The following PDE1A variants were observed in gnomAD, a reference collection of about 807,000 sequenced individuals.
The protein encoded by PDE1A is dual specificity calcium/calmodulin-dependent 3',5'-cyclic nucleotide phosphodiesterase 1A.
In PDE1A, 35 loss-of-function variants were observed where a neutral mutation model predicts 61.7. The observed-to-expected ratio is 0.57, with a 90% CI of 0.43 to 0.75. The LOEUF (loss-of-function observed/expected upper bound fraction) is 0.75, where lower values mean the gene tolerates loss of function less well. Ranked by LOEUF, PDE1A falls within the 30% of genes least tolerant of loss-of-function variation. The pLI, the probability that PDE1A is intolerant of heterozygous loss-of-function variation, is 0.00. For synonymous variants in PDE1A, 232 were observed against 213.2 expected, an observed-to-expected ratio of 1.09 and a Z score of -0.77; for missense variants, 597 against 630.6, an observed-to-expected ratio of 0.95 and a Z score of 0.57.
At chr2:182,222,596 T>TC (rs1424927709) in intron 7 of PDE1A, among the ~76,000 whole-genome samples, 1 of 151,976 alleles carries the variant, frequency 6.6e-6, no homozygotes, top group Non-Finnish European at 1.5e-5. Context: ...AACAAATATC[T>TC]CACACCAGTG....
chr2:182,253,281 T>C (rs1410706860), intron 2 of PDE1A, among the ~76,000 whole-genome samples: 1 of 152,196 alleles, frequency 6.6e-6, no homozygotes, highest in Non-Finnish European at 1.5e-5. Context: ...GTGGCTCAAA[T>C]AATGTAGAAA....
Position 182,160,518 on chromosome 2 carries a change from C to T in PDE1A, c.1517-13366G>A, listed in dbSNP as rs149284031. On this transcript the variant is annotated intron_variant, in intron 13 of 13. Coordinates refer to the PDE1A transcript ENST00000409365. The stretch of plus-strand genomic sequence containing the variant: ...TGAGTAGACACCTTTTTATCCTTTG[C>T]CCTTGGACACCAGACTCCAGGTTCT... Among the ~76,000 whole-genome samples the T allele has an allele frequency of 4.0e-4, 61 of 152,216 alleles. No homozygotes were observed. In the East Asian group the frequency reaches 6.2e-3, roughly 15 times the overall value.
intron 1 of PDE1A, among the ~76,000 whole-genome samples, chr2:182,416,564 G>A (rs906877342): frequency 6.6e-6 from 1 of 152,050 alleles, no homozygotes; most frequent in Non-Finnish European, 1.5e-5. Context: ...ACTTCTCTAA[G>A]AGGAGATGAA....
intron 12 of PDE1A, 80 bp from the exon 13 acceptor site, chr2:182,186,159 A>G: frequency 6.9e-7 from 1 of 1,457,580 alleles, no homozygotes; most frequent in Non-Finnish European, 9.3e-7. Flanking sequence ...ACTTTACAAA[A>G]CCGACTAGAA....
the PDE1A span, among the ~76,000 whole-genome samples, chr2:182,654,399 A>C: frequency 6.6e-6 from 1 of 152,268 alleles, no homozygotes; most frequent in Non-Finnish European, 1.5e-5. Flanking sequence ...CCCAGGTTGC[A>C]GTTTCACTTG....
At chr2:182,426,896 G>A in exon 1 of PDE1A, 1 of 1,250,042 alleles carries the variant, frequency 8.0e-7, no homozygotes, top group Non-Finnish European at 1.0e-6. Flanking sequence ...CGTTGATCCA[G>A]GCAAGAGAAG....
At chr2:182,590,967 C>T in the PDE1A span, among the ~76,000 whole-genome samples, 1 of 152,198 alleles carries the variant, frequency 6.6e-6, no homozygotes, top group Non-Finnish European at 1.5e-5. Flanking sequence ...ACCATTGTGT[C>T]CACAGGAACT....
At chr2:182,505,884 T>C (rs1050192858) in intron 2 of PDE1A, among the ~76,000 whole-genome samples, 1 of 152,058 alleles carries the variant, frequency 6.6e-6, no homozygotes, top group African/African-American at 2.4e-5. Context: ...TTCTGGAAAA[T>C]AAATAAATAA....
the PDE1A span, among the ~76,000 whole-genome samples, chr2:182,684,772 A>C: frequency 1.3e-5 from 2 of 152,218 alleles, no homozygotes; most frequent in African/African-American, 2.4e-5. Flanking sequence ...GCTGGTCTCG[A>C]ATTCCTGATC....
chr2:182,403,327 C>T (rs1248697300), intron 1 of PDE1A, among the ~76,000 whole-genome samples: 11 of 152,032 alleles, frequency 7.2e-5, no homozygotes, highest in South Asian at 2.1e-4. Context: ...AGGCCAGGCG[C>T]GGTGGCTCAA....
At chr2:182,700,747 G>C in the PDE1A span, among the ~76,000 whole-genome samples, 1 of 78,172 alleles carries the variant, frequency 1.3e-5, no homozygotes, top group African/African-American at 4.0e-5. Context: ...AAAACAGAAA[G>C]AAAAGAAAAA....
the PDE1A span, among the ~76,000 whole-genome samples, chr2:182,584,425 G>C: frequency 6.6e-6 from 1 of 152,230 alleles, no homozygotes; most frequent in East Asian, 1.9e-4. Context: ...TAGCTCTACC[G>C]CTGACTATCT....
chr2:182,672,850 T>C, the PDE1A span, among the ~76,000 whole-genome samples: 1 of 152,214 alleles, frequency 6.6e-6, no homozygotes, highest in Non-Finnish European at 1.5e-5. Flanking sequence ...TAATTCTTAA[T>C]CTTCATTTTA....
the PDE1A span, among the ~76,000 whole-genome samples, chr2:182,628,589 T>C: frequency 3.3e-5 from 5 of 152,280 alleles, no homozygotes; most frequent in East Asian, 9.7e-4. Context: ...ATGTATAGTA[T>C]TAGTACTCTC....
chr2:182,532,875 G>A, the PDE1A span, among the ~76,000 whole-genome samples: 1 of 142,602 alleles, frequency 7.0e-6, no homozygotes, highest in Non-Finnish European at 1.5e-5. Flanking sequence ...AACCCCGGGA[G>A]GCGGAGCTTG....
chr2:182,472,143 T>A (rs898173097), intron 2 of PDE1A, among the ~76,000 whole-genome samples: 1 of 151,844 alleles, frequency 6.6e-6, no homozygotes, highest in Non-Finnish European at 1.5e-5. Flanking sequence ...TGGAAAACAG[T>A]ATGGAGATTT....
intron 2 of PDE1A, chr2:182,241,829 A>T: frequency 1.3e-6 from 2 of 1,538,012 alleles, no homozygotes; most frequent in Non-Finnish European, 1.7e-6. Context: ...TTTCTTTCTG[A>T]TCTGACATTT....
At chr2:182,582,299 A>G in the PDE1A span, among the ~76,000 whole-genome samples, 1 of 152,236 alleles carries the variant, frequency 6.6e-6, no homozygotes, top group East Asian at 1.9e-4. Context: ...AAGGGCATAA[A>G]AATTGATCAA....
At chr2:182,658,047 T>TAAAAAAAAAAAGAA in the PDE1A span, among the ~76,000 whole-genome samples, 1 of 66,662 alleles carries the variant, frequency 1.5e-5, no homozygotes, top group Non-Finnish European at 2.6e-5. Context: ...AGCTTCTCAG[T>TAAAAAAAAAAAGAA]AAAAAAAAAA....
Sources: allele counts gnomAD v4.1 joint callset (sites outside exome capture counted in the v4.1 genomes callset), GRCh38; gene constraint gnomAD v4.1.1; transcripts MANE v1.5; gene names NCBI Gene and HGNC (gene_info 2026-07-23, HGNC 2026-07-21).